Variants in CNTNAP5 observed in about 807,000 individuals in gnomAD.
CNTNAP5 encodes the protein contactin associated protein family member 5.
Under a neutral mutation model 150.2 loss-of-function variants are expected in CNTNAP5, and 72 were observed. The observed-to-expected ratio is 0.48, with a 90% CI of 0.40 to 0.58. CNTNAP5 has a LOEUF of 0.58. Ranked by LOEUF, CNTNAP5 falls within the 20% of genes least tolerant of loss-of-function variation. The probability of loss-of-function intolerance (pLI) is 0.00; values close to 1 mark genes in which losing one functional copy is unlikely to be tolerated. For missense variants in CNTNAP5, 1,636 were observed against 1,626.2 expected, an observed-to-expected ratio of 1.01 and a Z score of -0.10; for synonymous variants, 672 against 619.8, an observed-to-expected ratio of 1.08 and a Z score of -1.25.
chr2:124,883,760 G>A (rs1026049356), intron 21 of CNTNAP5, among the ~76,000 whole-genome samples: 2 of 152,096 alleles, frequency 1.3e-5, no homozygotes, highest in African/African-American at 4.8e-5. Flanking sequence ...GCATATGGGT[G>A]CATGCTTGCA....
rs183617377 is a variant in CNTNAP5 at position 124,362,041 on chromosome 2, C to T, written c.382-55402C>T. ...CCGTTTTTTAAGCCGGTCCGAAAAG[C>T]GCAATATTCGGGTGGGAGTGACCCG... On this transcript the variant is annotated intron_variant, in intron 3 of 23. Transcript: ENST00000682447. Among the ~76,000 whole-genome samples, 50 of 152,320 alleles carry T rather than the reference C, an allele frequency of 3.3e-4. 1 individual carries two copies. Among genetic ancestry groups the T allele is most frequent in the East Asian group, 2.9e-3 (15 of 5,174 alleles).
chr2:124,626,975 T>G (rs1677737541), intron 12 of CNTNAP5, among the ~76,000 whole-genome samples: 1 of 152,150 alleles, frequency 6.6e-6, no homozygotes, highest in Admixed American at 6.5e-5. Flanking sequence ...GCAAAGGAGC[T>G]GTGGCAGATC....
In CNTNAP5 at chr2:124,920,402, A is replaced by C. The variant is rs577623522; in HGVS notation, c.*6114A>C. Among the ~76,000 whole-genome samples, 74 of 152,262 alleles carry C rather than the reference A, an allele frequency of 4.9e-4. No homozygotes were observed. Among genetic ancestry groups the C allele is most frequent in the African/African-American group, 1.7e-3 (71 of 41,578 alleles). On this transcript the variant is annotated 3_prime_UTR_variant, in exon 24 of 24. Coordinates refer to ENST00000682447, the MANE Select transcript of CNTNAP5 (RefSeq NM_001367498.1). ...TTTCCCATCAGAGTCAGCCTCTATC[A>C]CAAACATTTTACATGAAATATTCAC...
chr2:124,260,055 G>T (rs986778796), intron 3 of CNTNAP5, among the ~76,000 whole-genome samples: 34 of 152,112 alleles, frequency 2.2e-4, no homozygotes, highest in Admixed American at 5.9e-4. Flanking sequence ...AGCCCGCATT[G>T]CCAAGTCAAT....
At chr2:124,117,855 G>C (rs778582451) in intron 1 of CNTNAP5, among the ~76,000 whole-genome samples, 2 of 152,120 alleles carry the variant, frequency 1.3e-5, no homozygotes, top group Non-Finnish European at 2.9e-5. Context: ...GAAATTAAGT[G>C]GGAGGATTGC....
chr2:124,122,916 A>C (rs1250522194), intron 1 of CNTNAP5, among the ~76,000 whole-genome samples: 2 of 152,034 alleles, frequency 1.3e-5, no homozygotes, highest in Non-Finnish European at 2.9e-5. Context: ...ATATATATAT[A>C]TCTCACATTA....
chr2:124,318,771 C>T (rs550768112), intron 3 of CNTNAP5, among the ~76,000 whole-genome samples: 2 of 152,124 alleles, frequency 1.3e-5, no homozygotes, highest in African/African-American at 4.8e-5. Flanking sequence ...AATCTCCTTC[C>T]CCCTCCTCTC....
intron 13 of CNTNAP5, among the ~76,000 whole-genome samples, chr2:124,708,843 A>G (rs1216298695): frequency 1.3e-5 from 2 of 152,174 alleles, no homozygotes; most frequent in African/African-American, 4.8e-5. Context: ...TGAATCAGCA[A>G]TTGTTTATGT....
intron 1 of CNTNAP5, among the ~76,000 whole-genome samples, chr2:124,110,273 A>T (rs1683264582): frequency 1.3e-5 from 2 of 152,140 alleles, no homozygotes; most frequent in African/African-American, 4.8e-5. Context: ...CAGATTTGTG[A>T]ATGGGGAAGT....
chr2:124,590,977 T>C (rs938779719), intron 11 of CNTNAP5, among the ~76,000 whole-genome samples: 3 of 152,220 alleles, frequency 2.0e-5, no homozygotes, highest in Admixed American at 6.5e-5. Flanking sequence ...GCCAGAACTA[T>C]ATTCAGACTA....
chr2:124,025,779 G>T (rs1422448200), intron 1 of CNTNAP5, 47 bp downstream of exon 1: 1 of 1,439,204 alleles, frequency 6.9e-7, no homozygotes, highest in Non-Finnish European at 9.8e-7. Flanking sequence ...GAAAACGATC[G>T]CATTCAGAAA....
intron 11 of CNTNAP5, among the ~76,000 whole-genome samples, chr2:124,588,177 C>CTTCTTTCTTTCT (rs746237108): frequency 5.0e-4 from 55 of 110,914 alleles, no homozygotes; most frequent in East Asian, 7.1e-4. Flanking sequence ...TCCTTCCTTC[C>CTTCTTTCTTTCT]TTCTTTCTTT....
intron 3 of CNTNAP5, among the ~76,000 whole-genome samples, chr2:124,332,578 A>G (rs1043535226): frequency 6.6e-6 from 1 of 151,590 alleles, no homozygotes; most frequent in Admixed American, 6.6e-5. Context: ...TTAATATTTC[A>G]TCTTACTTGG....
intron 13 of CNTNAP5, among the ~76,000 whole-genome samples, chr2:124,666,976 A>G (rs6721614): frequency 0.55 from 84,298 of 152,094 alleles, 23,937 homozygotes; most frequent in Non-Finnish European, 0.62. Flanking sequence ...TACTCTGGAC[A>G]TTAAATACAC....
In CNTNAP5 at chr2:124,333,082, T is replaced by C. The variant is rs1487214303; in HGVS notation, c.382-84361T>C. Among the ~76,000 whole-genome samples, 3 of 152,110 alleles carry C rather than the reference T, an allele frequency of 2.0e-5. No individual in the cohort carries two copies. In the East Asian group the frequency reaches 5.8e-4, roughly 29 times the overall value. The stretch of plus-strand genomic sequence containing the variant: ...AGCTCTGATTTTATAATTTTAATCA[T>C]GAGGCAAGTAAAACTCACTAGTTTA... On this transcript the variant is annotated intron_variant, in intron 3 of 23. Transcript: ENST00000682447.
intron 2 of CNTNAP5, among the ~76,000 whole-genome samples, chr2:124,239,196 GT>G (rs1189244204): frequency 6.6e-6 from 1 of 151,420 alleles, no homozygotes; most frequent in Admixed American, 6.6e-5. Flanking sequence ...CTATTTTTTT[GT>G]TTTGGTTTGT....
intron 5 of CNTNAP5, among the ~76,000 whole-genome samples, chr2:124,444,189 T>A (rs1692747373): frequency 6.6e-6 from 1 of 152,110 alleles, no homozygotes; most frequent in Non-Finnish European, 1.5e-5. Context: ...CTTCCTGTAC[T>A]CTTCTTGCCT....
At chr2:124,525,209 G>A (rs1336364755) in intron 9 of CNTNAP5, among the ~76,000 whole-genome samples, 1 of 152,106 alleles carries the variant, frequency 6.6e-6, no homozygotes, top group African/African-American at 2.4e-5. Context: ...TAATTTCATA[G>A]TTGTTTGTAT....
chr2:124,535,838 G>T (rs1252751675), intron 10 of CNTNAP5, among the ~76,000 whole-genome samples: 1 of 152,028 alleles, frequency 6.6e-6, no homozygotes, highest in Non-Finnish European at 1.5e-5. Context: ...GAACTCTCTG[G>T]TCAAAATTCT....
Sources: allele counts gnomAD v4.1 joint callset (sites outside exome capture counted in the v4.1 genomes callset), GRCh38; gene constraint gnomAD v4.1.1; transcripts MANE v1.5; gene names NCBI Gene and HGNC (gene_info 2026-07-23, HGNC 2026-07-21).